Variants in DTNA observed in about 807,000 individuals in gnomAD.
The protein encoded by DTNA is dystrophin-related protein 3.
In DTNA, 43 loss-of-function variants were observed where a neutral mutation model predicts 100.7. The ratio of observed to expected loss-of-function variants is 0.43; its 90% CI spans 0.33 to 0.55. DTNA has a LOEUF of 0.55. Among genes scored for constraint, DTNA ranks in the 20% least tolerant of loss-of-function variants. The probability of loss-of-function intolerance (pLI) is 0.04; values close to 1 mark genes in which losing one functional copy is unlikely to be tolerated. For synonymous variants in DTNA, 349 were observed against 347.9 expected, an observed-to-expected ratio of 1.00 and a Z score of -0.04; for missense variants, 798 against 953.9, an observed-to-expected ratio of 0.84 and a Z score of 2.15.
At chr18:34,788,909 T>C (rs1041964878) in intron 3 of DTNA, among the ~76,000 whole-genome samples, 25 of 152,216 alleles carry the variant, frequency 1.6e-4, no homozygotes, top group South Asian at 2.1e-4. Context: ...GTGTATTTAG[T>C]TATTTTATCA....
In DTNA at chr18:34,716,967, A is replaced by C. The variant is rs187172871; in HGVS notation, c.-2+6522A>C. On this transcript the variant is annotated intron_variant, in intron 1 of 22. Coordinates refer to ENST00000444659, the MANE Select transcript of DTNA (RefSeq NM_001386795.1). ...GAGAGAAAATAACAAAATATTTTAA[A>C]TAGGGTATACATTCCAATTATTAGT... Among the ~76,000 whole-genome samples, 800 of 152,312 alleles carry C rather than the reference A, an allele frequency of 5.3e-3. 3 individuals are homozygous for C. The highest frequency in any genetic ancestry group is 8.0e-3 in the Non-Finnish European group (543 of 68,034).
chr18:34,715,034 A>C lies in DTNA; in HGVS notation c.-2+4589A>C, dbSNP rs573238164. Among the ~76,000 whole-genome samples, 4 of 132,746 alleles carry C rather than the reference A, an allele frequency of 3.0e-5. No individual in the cohort carries two copies. The East Asian group carries it at 7.7e-4, about 26-fold the overall frequency. 87.1% of individuals were successfully genotyped at this position (132,746 alleles called of 152,430 possible). On this transcript the variant is annotated intron_variant, in intron 1 of 22. Coordinates refer to ENST00000444659, the MANE Select transcript of DTNA (RefSeq NM_001386795.1). ...AGATCACATGGACACAGGAAGGGGA[A>C]TATCACACTCTGGGGACTGTTGTGG... is the stretch of plus-strand genomic sequence containing the variant.
intron 1 of DTNA, among the ~76,000 whole-genome samples, chr18:34,526,209 A>C (rs1157643274): frequency 1.3e-5 from 2 of 152,130 alleles, no homozygotes; most frequent in Non-Finnish European, 2.9e-5. Flanking sequence ...GTTTCACTCA[A>C]ATGAAGTGGG....
intron 1 of DTNA, among the ~76,000 whole-genome samples, chr18:34,530,400 A>G (rs2043026536): frequency 6.6e-6 from 1 of 152,012 alleles, no homozygotes; most frequent in Admixed American, 6.6e-5. Context: ...CTTTGAGGAA[A>G]ATAAAATCAT....
At chr18:34,700,624 C>A (rs2081233338) in intron 1 of DTNA, among the ~76,000 whole-genome samples, 1 of 152,204 alleles carries the variant, frequency 6.6e-6, no homozygotes, top group Non-Finnish European at 1.5e-5. Context: ...GTCTATGTAG[C>A]TGAGCTTTGT....
chr18:34,622,590 G>C (rs754307842), intron 1 of DTNA, among the ~76,000 whole-genome samples: 66 of 152,180 alleles, frequency 4.3e-4, no homozygotes, highest in Admixed American at 9.8e-4. Context: ...CCTCAATGCG[G>C]GCAGGTTCCG....
chr18:34,808,480 T>A (rs2095417685), intron 5 of DTNA, among the ~76,000 whole-genome samples: 1 of 152,180 alleles, frequency 6.6e-6, no homozygotes, highest in Non-Finnish European at 1.5e-5. Context: ...GTAATCCACT[T>A]TCACCTCCTG....
At chr18:34,848,271 C>A in intron 13 of DTNA, 25 bp from the exon 14 acceptor site, 1 of 1,612,216 alleles carries the variant, frequency 6.2e-7, no homozygotes, top group South Asian at 1.1e-5. Flanking sequence ...GCCTAACGGT[C>A]TCCTTCTTGC....
intron 1 of DTNA, among the ~76,000 whole-genome samples, chr18:34,699,870 A>C (rs560565988): frequency 2.6e-5 from 4 of 152,166 alleles, no homozygotes; most frequent in Non-Finnish European, 5.9e-5. Flanking sequence ...CAAAACAAAA[A>C]AAAACTTGGC....
At chr18:34,713,622 T>G (rs913425121) in intron 1 of DTNA, among the ~76,000 whole-genome samples, 4 of 151,728 alleles carry the variant, frequency 2.6e-5, no homozygotes, top group Admixed American at 2.6e-4. Context: ...GCGGGCTCTT[T>G]TTTGGTTCCA....
intron 1 of DTNA, among the ~76,000 whole-genome samples, chr18:34,562,726 G>C (rs2046748390): frequency 1.3e-5 from 2 of 152,128 alleles, no homozygotes; most frequent in African/African-American, 4.8e-5. Context: ...AACTCTGAGG[G>C]TGAGGCCCAG....
intron 1 of DTNA, among the ~76,000 whole-genome samples, chr18:34,639,800 G>T (rs534389820): frequency 1.7e-4 from 26 of 152,252 alleles, no homozygotes; most frequent in Admixed American, 3.9e-4. Context: ...TTCTTATTCT[G>T]CTCCCATGGA....
At chr18:34,516,250 A>G (rs1226061358) in intron 1 of DTNA, among the ~76,000 whole-genome samples, 2 of 152,122 alleles carry the variant, frequency 1.3e-5, no homozygotes, top group African/African-American at 2.4e-5. Context: ...AGTTTTTATT[A>G]GTGATTTTAA....
intron 13 of DTNA, among the ~76,000 whole-genome samples, chr18:34,843,949 CT>C (rs2096324381): frequency 6.6e-6 from 1 of 152,180 alleles, no homozygotes; most frequent in Admixed American, 6.6e-5. Context: ...CCTACACTTA[CT>C]GACAGTGTCT....
intron 1 of DTNA, among the ~76,000 whole-genome samples, chr18:34,642,549 CTTTCTTTCTTTCT>C (rs1402855741): frequency 4.0e-5 from 6 of 150,666 alleles, no homozygotes; most frequent in Non-Finnish European, 8.9e-5. Flanking sequence ...TTCCTTCCTT[CTTTCTTTCTTTCT>C]TTTCTTTCTT....
At chr18:34,549,209 A>G (rs1419414577) in intron 1 of DTNA, among the ~76,000 whole-genome samples, 4 of 152,042 alleles carry the variant, frequency 2.6e-5, no homozygotes, top group African/African-American at 4.8e-5. Flanking sequence ...TGACCCCTCT[A>G]TGATCTGTCC....
At chr18:34,851,156 T>A (rs1387124876) in intron 14 of DTNA, among the ~76,000 whole-genome samples, 1 of 152,226 alleles carries the variant, frequency 6.6e-6, no homozygotes, top group East Asian at 1.9e-4. Flanking sequence ...CAGGCTGGAA[T>A]GCAGTGGCAT....
At chr18:34,659,657 C>T (rs1427708307) in intron 1 of DTNA, among the ~76,000 whole-genome samples, 3 of 151,390 alleles carry the variant, frequency 2.0e-5, no homozygotes, top group African/African-American at 7.3e-5. Flanking sequence ...CACACACACA[C>T]TCATTTAACA....
chr18:34,495,621 AATTCT>A (rs899712162), intron 1 of DTNA, among the ~76,000 whole-genome samples: 1 of 152,210 alleles, frequency 6.6e-6, no homozygotes, highest in African/African-American at 2.4e-5. Flanking sequence ...AGAATTGTGC[AATTCT>A]CTTTCAACTA....
Sources: gnomAD v4.1 joint callset for allele counts (sites outside exome capture counted in the v4.1 genomes callset) on GRCh38, gnomAD v4.1.1 for gene constraint, MANE v1.5 for transcripts, NCBI Gene and HGNC (gene_info 2026-07-23, HGNC 2026-07-21) for gene names.